UNC93B1: variants seen among roughly 807,000 people sequenced by gnomAD.
The protein encoded by UNC93B1 is unc-93B1 regulator of TLR signaling.
UNC93B1 carries 33 observed loss-of-function variants against 56.8 expected under a neutral mutation model. The observed-to-expected ratio is 0.58, with a 90% CI of 0.44 to 0.78. The LOEUF (loss-of-function observed/expected upper bound fraction) is 0.78. Among genes scored for constraint, UNC93B1 ranks in the 30% least tolerant of loss-of-function variants. The pLI is 0.00. For synonymous variants in UNC93B1, 334 were observed against 358.6 expected (o/e 0.93, Z 0.77); for missense variants, 673 against 819.5 (o/e 0.82, Z 2.18).
In UNC93B1 at chr11:67,991,464, T is replaced by C; in HGVS notation, c.*82A>G. ...GGGGCCTTTGAAGACAGCGCGGGAC[T>C]CGGAGGGGGTCCCCCCGACCTCAGA... is the stretch of plus-strand genomic sequence containing the variant. On this transcript the variant is annotated 3_prime_UTR_variant, in exon 11 of 11. Coordinates refer to ENST00000227471, the MANE Select transcript of UNC93B1 (RefSeq NM_030930.4). 7.6e-7 allele frequency: 1 copy of C among 1,312,328 alleles called. No homozygotes were observed. Among genetic ancestry groups the C allele is most frequent in the Non-Finnish European group, 9.8e-7 (1 of 1,019,672 alleles). 81.3% of individuals were successfully genotyped at this position (1,312,328 alleles called of 1,614,324 possible). A position where few individuals can be genotyped will look rare whatever the true frequency, so the allele number is the denominator to read the frequency against.
Position 68,003,490 on chromosome 11 carries a change from G to T in UNC93B1, c.238+167C>A. ...TCTGGCTGGGACCCGGGGACGCTGCGCTACTTGACCCCCCAACCCCACCCC... is the reference window on the plus strand; with the variant it reads ...TCTGGCTGGGACCCGGGGACGCTGCTCTACTTGACCCCCCAACCCCACCCC... On this transcript the variant is annotated intron_variant, in intron 2 of 10. Transcript: ENST00000227471. The surrounding 1 kb of genome is among the most constrained non-coding windows in gnomAD (Gnocchi z 4.4). 1.8e-6 allele frequency: 2 copies of T among 1,087,792 alleles called. No homozygotes were observed. The highest frequency in any genetic ancestry group is 2.5e-6 in the Non-Finnish European group (2 of 806,216). 67.4% of individuals were successfully genotyped at this position (1,087,792 alleles called of 1,614,324 possible). A position where few individuals can be genotyped will look rare whatever the true frequency, so the allele number is the denominator to read the frequency against.
chr11:68,001,906 G>A (rs1466049255), intron 3 of UNC93B1, among the ~76,000 whole-genome samples: 3 of 152,106 alleles, frequency 2.0e-5, no homozygotes, highest in Non-Finnish European at 4.4e-5. Context: ...CACTTTGGGA[G>A]GCCAAGGCAG....
rs779310756 is a variant in UNC93B1, at chr11:67,993,802, C to T, written c.1364-8G>A. ...ACAAGATTCCCAGGAGTGCTGCAGG[C>T]AGGCAGTACAGGGCAGGCAGGGGAG... On this transcript the variant is annotated splice_region_variant and splice_polypyrimidine_tract_variant and intron_variant, in intron 9 of 10. Coordinates refer to ENST00000227471, the MANE Select transcript of UNC93B1 (RefSeq NM_030930.4). 1.2e-5 allele frequency: 13 copies of T among 1,106,042 alleles called. No homozygotes were observed. In the South Asian group the frequency reaches 1.7e-4, roughly 15 times the overall value. 68.5% of individuals were successfully genotyped at this position (1,106,042 alleles called of 1,614,324 possible).
rs571116415 is a variant in UNC93B1 at position 68,003,129 on chromosome 11, G to A, written c.285C>T (p.Arg95=). ...QLILHYDETY[R]EVKYGNMGLP... ...GCCCCATGTTGCCATACTTCACCTCGCGGTAGGTCTCGTCGTAGTGCAGGA... is the reference window on the plus strand; with the variant it reads ...GCCCCATGTTGCCATACTTCACCTCACGGTAGGTCTCGTCGTAGTGCAGGA... The change falls in exon 3 of 11, where the codon CGC becomes CGT. Residue 95 remains arginine (R), a synonymous_variant. Coordinates refer to ENST00000227471, the MANE Select transcript of UNC93B1 (RefSeq NM_030930.4). This position sits in a 1 kb window ranked among gnomAD's most constrained non-coding sequence, Gnocchi z 4.4. 1.9e-6 allele frequency: 3 copies of A among 1,613,492 alleles called. No homozygotes were observed. Among genetic ancestry groups the A allele is most frequent in the Non-Finnish European group, 8.5e-7 (1 of 1,179,836 alleles).
intron 10 of UNC93B1, among the ~76,000 whole-genome samples, chr11:67,993,107 G>A (rs1046916929): frequency 2.0e-5 from 3 of 152,108 alleles, no homozygotes; most frequent in Non-Finnish European, 2.9e-5. Context: ...TCCTGCCTCA[G>A]CCTCCTGAGT....
chr11:67,997,711 G>A lies in UNC93B1; in HGVS notation c.870C>T (p.Ser290=), dbSNP rs757129594. 1.9e-6 allele frequency: 3 copies of A among 1,608,128 alleles called. No homozygotes were observed. The highest frequency in any genetic ancestry group is 2.2e-5 in the East Asian group (1 of 44,886). The change falls in exon 7 of 11, where the codon AGC becomes AGT. Residue 290 remains serine, a synonymous_variant. Coordinates refer to ENST00000227471, the MANE Select transcript of UNC93B1 (RefSeq NM_030930.4). ...PRSGNLIVVE[S]VLMAVAFLAM... is the part of the protein sequence containing the mutation. ...CCAGGAAGGCCACTGCCATGAGCAC[G>A]CTCTCCACCACAATGAGGTTTCCGC...
chr11:67,997,901 G>A, intron 6 of UNC93B1, 102 bp from the exon 7 acceptor site: 1 of 1,506,060 alleles, frequency 6.6e-7, no homozygotes, highest in South Asian at 1.2e-5. Flanking sequence ...AGCGGTGGAG[G>A]GCGGGAGAGT....
In UNC93B1 at chr11:68,003,214, T is replaced by C. The variant is rs1236191967; in HGVS notation, c.239-39A>G. 1.3e-6 allele frequency: 2 copies of C among 1,572,938 alleles called. No homozygotes were observed. The highest frequency in any genetic ancestry group is 1.7e-6 in the Non-Finnish European group (2 of 1,165,346). Reference sequence around the variant, plus strand: ...AGAGAGCGGCGTGCAGGGAGCAGCCTAGCTTTGGGCGCCACCGAGCAGAAG... The same window carrying C: ...AGAGAGCGGCGTGCAGGGAGCAGCCCAGCTTTGGGCGCCACCGAGCAGAAG... On this transcript the variant is annotated intron_variant, in intron 2 of 10. Coordinates refer to ENST00000227471, the MANE Select transcript of UNC93B1 (RefSeq NM_030930.4). The surrounding 1 kb of genome is among the most constrained non-coding windows in gnomAD (Gnocchi z 4.4).
rs1857086764 is a variant in UNC93B1, at chr11:68,003,734, C to T, written c.161G>A (p.Arg54His). Residue 54 changes from arginine (R) to histidine (H), a missense_variant, in exon 2 of 11, where the codon CGC becomes CAC. By Grantham distance (29) the Arg-to-His change is conservative. This residue lies in a region of UNC93B1 where 438 missense variants were observed against 465.9 expected (regional missense o/e 0.94). Transcript: ENST00000227471. The surrounding 1 kb of genome is among the most constrained non-coding windows in gnomAD (Gnocchi z 4.4). ...CTTGAGCACGCCCAGGCGCTTGCGG[C>T]GGTAGTAGCGGCGCTCCTCCTCCTC... ...NEEEEERRYY[R>H]RKRLGVLKNV... is the part of the protein sequence containing the mutation. 2 of 1,525,800 alleles carry T rather than the reference C, an allele frequency of 1.3e-6. No homozygotes were observed. Among genetic ancestry groups the T allele is most frequent in the African/African-American group, 1.4e-5 (1 of 70,850 alleles). The allele number at this position is 1,525,800 out of a possible 1,614,324, so 94.5% of individuals were successfully genotyped here.
chr11:67,998,767 C>T (rs891692968), intron 5 of UNC93B1, among the ~76,000 whole-genome samples: 3 of 152,108 alleles, frequency 2.0e-5, no homozygotes, highest in African/African-American at 4.8e-5. Flanking sequence ...TGTGGTAGCA[C>T]ACGCATATGA....
chr11:67,999,745 C>T (rs573697573), intron 3 of UNC93B1, 65 bp from the exon 4 acceptor site: 40 of 1,564,058 alleles, frequency 2.6e-5, no homozygotes, highest in South Asian at 2.4e-5. Flanking sequence ...TGAAGCCAAA[C>T]GGGGCCACAA....
Position 68,003,687 on chromosome 11 carries a change from C to G in UNC93B1, c.208G>C (p.Gly70Arg). 4 of 1,529,400 alleles carry G rather than the reference C, an allele frequency of 2.6e-6. No individual in the cohort carries two copies. The highest frequency in any genetic ancestry group is 3.5e-6 in the Non-Finnish European group (4 of 1,143,254). 94.7% of individuals were successfully genotyped at this position (1,529,400 alleles called of 1,614,324 possible). Reference protein sequence around the residue: ...VLKNVLAASAGGMLTYGVYLG... With the variant: ...VLKNVLAASARGMLTYGVYLG... ...TAGACGCCGTAGGTGAGCATGCCCC[C>G]GGCGCTGGCAGCCAGCACGTTCTTG... The change falls in exon 2 of 11, where the codon GGG becomes CGG. Residue 70 changes from glycine (G) to arginine (R), a missense_variant. Gly to Arg is a moderately radical substitution (Grantham distance 125). Around this residue, in one of 3 missense-constraint regions of UNC93B1, gnomAD observed 438 missense variants for 465.9 expected, o/e 0.94. Coordinates refer to ENST00000227471, the MANE Select transcript of UNC93B1 (RefSeq NM_030930.4). The surrounding 1 kb of genome is among the most constrained non-coding windows in gnomAD (Gnocchi z 4.4).
chr11:67,999,587 C>A lies in UNC93B1; in HGVS notation c.486G>T (p.Val162=). ...TNYWERYYTL[V]PSAVALGMAI... ...CCATGCCCAGGGCCACAGCCGAGGG[C>A]ACAAGCGTGTAGTAGCGCTCCCAGT... is the stretch of plus-strand genomic sequence containing the variant. The change falls in exon 4 of 11, where the codon GTG becomes GTT. Residue 162 remains valine (V), a synonymous_variant. Transcript: ENST00000227471. 1 of 1,598,772 alleles carries A rather than the reference C, an allele frequency of 6.3e-7. No homozygotes were observed. The highest frequency in any genetic ancestry group is 8.5e-7 in the Non-Finnish European group (1 of 1,173,264).
chr11:67,997,118 C>T (rs1488617631), intron 7 of UNC93B1, among the ~76,000 whole-genome samples: 1 of 151,918 alleles, frequency 6.6e-6, no homozygotes, highest in African/African-American at 2.4e-5. Flanking sequence ...CCTTCTCAGC[C>T]CCGCGCCAGA....
chr11:67,991,613 G>C lies in UNC93B1; in HGVS notation c.1727C>G (p.Ala576Gly). ...CGGGCAGGGCCGGCGGCCGAGTCCA[G>C]CGGGCTCGGGGCCAGGCCTGGGCCC... ...PAGPRPGPEP[A>G]GLGRRPCPYE... Residue 576 changes from alanine to glycine, a missense_variant, in exon 11 of 11, where the codon GCT becomes GGT. By Grantham distance (60) the Ala-to-Gly change is moderately conservative. Transcript: ENST00000227471. 6.7e-7 allele frequency: 1 copy of C among 1,500,312 alleles called. No individual in the cohort carries two copies. The highest frequency in any genetic ancestry group is 8.8e-7 in the Non-Finnish European group (1 of 1,133,354). 92.9% of individuals were successfully genotyped at this position (1,500,312 alleles called of 1,614,324 possible).
chr11:67,995,752 C>T lies in UNC93B1; in HGVS notation c.1222G>A (p.Gly408Arg), dbSNP rs1856933053. Residue 408 changes from glycine (G) to arginine (R), a missense_variant, in exon 9 of 11, where the codon GGA (glycine) becomes AGA (arginine). Around this residue, in one of 3 missense-constraint regions of UNC93B1, gnomAD observed 155 missense variants for 268.3 expected, o/e 0.58. Transcript: ENST00000227471. ...WLPRPVPLVA[G>R]AGVHLLLTFI... The stretch of plus-strand genomic sequence containing the variant: ...GTGAGCAGCAGGTGCACCCCTGCTC[C>T]GGCCACCAGGGGCACCGGGCGTGGC... The T allele has an allele frequency of 6.5e-6, 10 of 1,548,452 alleles. No homozygotes were observed. Among genetic ancestry groups the T allele is most frequent in the Non-Finnish European group, 8.7e-6 (10 of 1,146,898 alleles).
chr11:67,994,132 C>A (rs1334842432), intron 9 of UNC93B1, among the ~76,000 whole-genome samples: 1 of 152,200 alleles, frequency 6.6e-6, no homozygotes, highest in Admixed American at 6.5e-5. Context: ...AGCTTGCAGG[C>A]GCTGTTTCTC....
intron 5 of UNC93B1, among the ~76,000 whole-genome samples, chr11:67,998,938 A>C (rs530937765): frequency 5.3e-5 from 8 of 152,248 alleles, no homozygotes; most frequent in African/African-American, 1.9e-4. Context: ...AAAAGAAATG[A>C]AGGTGGGGCA....
chr11:67,997,574 G>C, intron 7 of UNC93B1, 101 bp downstream of exon 7: 1 of 1,563,708 alleles, frequency 6.4e-7, no homozygotes, highest in Non-Finnish European at 8.6e-7. Flanking sequence ...GCCACAACCC[G>C]ACCCAGGCCA....
Sources: allele counts gnomAD v4.1 joint callset (sites outside exome capture counted in the v4.1 genomes callset), GRCh38; gene constraint gnomAD v4.1.1; regional missense constraint gnomAD v4.1.1; non-coding constraint Gnocchi (gnomAD v3.1); transcripts MANE v1.5; gene names NCBI Gene and HGNC (gene_info 2026-07-23, HGNC 2026-07-21).